ZFHX3: variants seen among roughly 807,000 people sequenced by gnomAD.
ZFHX3 encodes zinc finger homeobox protein 3.
A neutral mutation model predicts 279.1 loss-of-function variants in ZFHX3; 42 were observed. The observed-to-expected ratio is 0.15, with a 90% CI of 0.12 to 0.19. The LOEUF is 0.19. Ranked by LOEUF, ZFHX3 falls within the 10% of genes least tolerant of loss-of-function variation. The pLI, the probability that ZFHX3 is intolerant of heterozygous loss-of-function variation, is 1.00. For missense variants in ZFHX3, 4,981 were observed against 4,754.0 expected, an observed-to-expected ratio of 1.05 and a Z score of -1.40; for synonymous variants, 2,293 against 1,957.8, an observed-to-expected ratio of 1.17 and a Z score of -4.52.
intron 1 of ZFHX3, among the ~76,000 whole-genome samples, chr16:73,875,451 C>T (rs2029917383): frequency 6.6e-6 from 1 of 152,072 alleles, no homozygotes; most frequent in African/African-American, 2.4e-5. Context: ...ACCGTTCATT[C>T]TAAAATACAG....
At chr16:73,466,685 A>G (rs1465315841) in intron 2 of ZFHX3, among the ~76,000 whole-genome samples, 1 of 152,198 alleles carries the variant, frequency 6.6e-6, no homozygotes, top group Non-Finnish European at 1.5e-5. Flanking sequence ...GACTCCTGGC[A>G]CATTCTCTGT....
In ZFHX3 at chr16:73,425,265, G is replaced by T. The variant is rs191921785; in HGVS notation, c.-1291+30738C>A. ...TGGTTATCTCTCTCCCCAGTCTTGT[G>T]CCTTGGGATGCGTGCTGATGCTGGG... is the stretch of plus-strand genomic sequence containing the variant. On this transcript the variant is annotated intron_variant, in intron 3 of 17. Coordinates refer to the ZFHX3 transcript ENST00000641206. Among the ~76,000 whole-genome samples, 4 of 152,308 alleles carry T rather than the reference G, an allele frequency of 2.6e-5. No homozygotes were observed. In the East Asian group the frequency reaches 7.7e-4, roughly 29 times the overall value.
intron 1 of ZFHX3, among the ~76,000 whole-genome samples, chr16:73,848,523 A>C (rs560561520): frequency 6.6e-6 from 1 of 152,352 alleles, no homozygotes; most frequent in East Asian, 1.9e-4. Context: ...GAAACTCTCA[A>C]GGCCACATAA....
At chr16:73,815,000 AG>A (rs1433773809) in intron 1 of ZFHX3, among the ~76,000 whole-genome samples, 1 of 152,232 alleles carries the variant, frequency 6.6e-6, no homozygotes, top group Non-Finnish European at 1.5e-5. Context: ...ACTTAAAAGT[AG>A]GGTGATAATC....
Position 72,785,607 on chromosome 16 carries a change from G to C in ZFHX3, c.*1557C>G, listed in dbSNP as rs552761169. On this transcript the variant is annotated 3_prime_UTR_variant, in exon 10 of 10. Transcript: ENST00000268489. Reference sequence around the variant, plus strand: ...TTCTGCATCAGCAGTGAAAGGGTGTGTCTTTGGATTTTATTTAAAGCATGA... The same window carrying C: ...TTCTGCATCAGCAGTGAAAGGGTGTCTCTTTGGATTTTATTTAAAGCATGA... 6.6e-6 allele frequency: 1 copy of C among 152,564 alleles called. No individual in the cohort carries two copies. Among genetic ancestry groups the C allele is most frequent in the African/African-American group, 2.4e-5 (1 of 41,520 alleles). The allele number at this position is 152,564 out of a possible 1,614,324, so 9.5% of individuals were successfully genotyped here. A position where few individuals can be genotyped will look rare whatever the true frequency, so the allele number is the denominator to read the frequency against.
intron 2 of ZFHX3, among the ~76,000 whole-genome samples, chr16:73,562,452 T>G (rs967341093): frequency 1.3e-5 from 2 of 151,906 alleles, no homozygotes; most frequent in Non-Finnish European, 2.9e-5. Context: ...AAAAATTAGC[T>G]GGGCGTGGTA....
intron 1 of ZFHX3, among the ~76,000 whole-genome samples, chr16:72,978,108 G>A (rs2144531572): frequency 6.6e-6 from 1 of 152,210 alleles, no homozygotes; most frequent in Non-Finnish European, 1.5e-5. Context: ...CAGGTGACCT[G>A]CCCGCCTCAT....
intron 8 of ZFHX3, among the ~76,000 whole-genome samples, chr16:73,065,459 T>TG (rs1018687714): frequency 1.4e-5 from 2 of 144,994 alleles, no homozygotes; most frequent in Non-Finnish European, 3.0e-5. Context: ...AACGTGAGGG[T>TG]TTTTTTTTTT....
At chr16:73,065,109 A>C (rs1965730062) in intron 8 of ZFHX3, among the ~76,000 whole-genome samples, 1 of 152,210 alleles carries the variant, frequency 6.6e-6, no homozygotes, top group Non-Finnish European at 1.5e-5. Flanking sequence ...AGCCAGGAAA[A>C]AAGGAAACCC....
Position 73,526,449 on chromosome 16 carries a change from C to A in ZFHX3, c.-1546-70191G>T, listed in dbSNP as rs555726449. 2.0e-5 allele frequency among the ~76,000 whole-genome samples: 3 copies of A among 152,372 alleles called. No individual in the cohort carries two copies. In the South Asian group the frequency reaches 6.2e-4, roughly 32 times the overall value. On this transcript the variant is annotated intron_variant, in intron 2 of 17. Coordinates refer to the ZFHX3 transcript ENST00000641206. Reference sequence around the variant, plus strand: ...TGTTCACCCCACAAAAGATAACACCCTGACCTTGATCCTTAATGTTATACT... The same window carrying A: ...TGTTCACCCCACAAAAGATAACACCATGACCTTGATCCTTAATGTTATACT...
intron 5 of ZFHX3, among the ~76,000 whole-genome samples, chr16:73,151,879 CAAAAA>C (rs58576284): frequency 8.3e-6 from 1 of 120,596 alleles, no homozygotes; most frequent in Non-Finnish European, 1.6e-5. Context: ...ATGCAAAAAA[CAAAAA>C]AAAAAAAAAA....
In ZFHX3 at chr16:73,781,784, T is replaced by C. The variant is rs373889975; in HGVS notation, c.-1607-101544A>G. On this transcript the variant is annotated intron_variant, in intron 1 of 17. Transcript: ENST00000641206. ...TGGGCGAATCACGAGGTCAGGAGTT[T>C]GAGACCAGCCTGACCAACATAGTGA... 2.5e-3 allele frequency among the ~76,000 whole-genome samples: 382 copies of C among 152,192 alleles called. 2 individuals carry two copies. Among genetic ancestry groups the C allele is most frequent in the African/African-American group, 8.5e-3 (355 of 41,548 alleles).
rs972211127 is a variant in ZFHX3 at position 72,787,491 on chromosome 16, G to A, written c.10785C>T (p.Asp3595=). ...CGGCGGCCGACGGGGGAGGGGGGCT[G>A]TCGTTTGAGTGAGCGGCAGACTGCG... ...STSQSAAHSN[D]SPPPPSAAAP... The change falls in exon 10 of 10, where the codon GAC becomes GAT. Residue 3595 remains aspartate, a synonymous_variant. Coordinates refer to ENST00000268489, the MANE Select transcript of ZFHX3 (RefSeq NM_006885.4). The A allele has an allele frequency of 1.2e-5, 19 of 1,613,288 alleles. No individual in the cohort carries two copies. Among genetic ancestry groups the A allele is most frequent in the Non-Finnish European group, 1.4e-5 (17 of 1,179,622 alleles).
At chr16:72,889,692 G>A in intron 4 of ZFHX3, 39 bp downstream of exon 4, 1 of 1,599,482 alleles carries the variant, frequency 6.3e-7, no homozygotes, top group Non-Finnish European at 8.5e-7. Flanking sequence ...TGAACACCCA[G>A]GCCCAACCTG....
chr16:72,925,647 C>T (rs1053823983), intron 3 of ZFHX3, among the ~76,000 whole-genome samples: 2 of 152,218 alleles, frequency 1.3e-5, no homozygotes, highest in African/African-American at 4.8e-5. Context: ...CACTTTGAAG[C>T]AATGAGGAAA....
At chr16:72,864,296 C>T (rs1179348271) in intron 4 of ZFHX3, among the ~76,000 whole-genome samples, 3 of 152,126 alleles carry the variant, frequency 2.0e-5, no homozygotes, top group African/African-American at 7.2e-5. Context: ...CCTGGCCACC[C>T]ACATTGACCA....
At chr16:73,643,136 A>G (rs2052588450) in intron 2 of ZFHX3, among the ~76,000 whole-genome samples, 1 of 152,220 alleles carries the variant, frequency 6.6e-6, no homozygotes, top group African/African-American at 2.4e-5. Flanking sequence ...AAGAACTAAA[A>G]CAATATTTTA....
chr16:73,844,958 G>T lies in ZFHX3; in HGVS notation c.-1608+46693C>A, dbSNP rs1961409694. 2.0e-5 allele frequency among the ~76,000 whole-genome samples: 3 copies of T among 152,140 alleles called. No individual in the cohort carries two copies. The South Asian group carries it at 6.2e-4, about 32-fold the overall frequency. On this transcript the variant is annotated intron_variant, in intron 1 of 17. Transcript: ENST00000641206. ...GGGGCACTCAACCCCACACTCTGCT[G>T]CTCTAATGGGCAATAGGGGAATTAA...
intron 1 of ZFHX3, among the ~76,000 whole-genome samples, chr16:73,747,831 G>A (rs2053718146): frequency 6.6e-6 from 1 of 152,114 alleles, no homozygotes; most frequent in Admixed American, 6.6e-5. Flanking sequence ...TTTTTCAAGT[G>A]TTATTAAATG....
Sources: gnomAD v4.1 joint callset for allele counts (sites outside exome capture counted in the v4.1 genomes callset) on GRCh38, gnomAD v4.1.1 for gene constraint, MANE v1.5 for transcripts, NCBI Gene and HGNC (gene_info 2026-07-23, HGNC 2026-07-21) for gene names.